GMCL1: variants seen among roughly 807,000 people sequenced by gnomAD.
The protein encoded by GMCL1 is germ cell-less 1, spermatogenesis associated, also known as germ cell-less protein-like 1.
In GMCL1, 54 loss-of-function variants were observed where a neutral mutation model predicts 75.5. The observed-to-expected ratio is 0.71, with a 90% CI of 0.57 to 0.90. GMCL1 has a LOEUF of 0.90. GMCL1 is among the 40% of genes least tolerant of loss of function. The pLI is 0.00. For synonymous variants in GMCL1, 210 were observed against 209.6 expected, an observed-to-expected ratio of 1.00 and a Z score of -0.02; for missense variants, 537 against 622.7, an observed-to-expected ratio of 0.86 and a Z score of 1.47.
At position 69,830,008 on chromosome 2, in the gene GMCL1, C is replaced by T; in HGVS notation, c.116C>T (p.Ala39Val). ...ARRPDTGDDA[A>V]GHGFCYCAGS... ...AGGCCGGACACTGGAGACGATGCGG[C>T]GGGCCACGGATTCTGTTACTGTGCG... The change falls in exon 1 of 14, where the codon GCG (alanine) becomes GTG (valine). Residue 39 changes from alanine (A) to valine (V), a missense_variant. This residue lies in a region of GMCL1 where 144 missense variants were observed against 127.2 expected (regional missense o/e 1.13). Transcript: ENST00000282570. 1.3e-6 allele frequency: 2 copies of T among 1,566,250 alleles called. No individual in the cohort carries two copies. Among genetic ancestry groups the T allele is most frequent in the Non-Finnish European group, 1.7e-6 (2 of 1,155,530 alleles).
At position 69,829,968 on chromosome 2, in the gene GMCL1, G is replaced by C; in HGVS notation, c.76G>C (p.Gly26Arg). The C allele has an allele frequency of 6.3e-7, 1 of 1,587,748 alleles. No homozygotes were observed. Among genetic ancestry groups the C allele is most frequent in the Non-Finnish European group, 8.6e-7 (1 of 1,166,814 alleles). The change falls in exon 1 of 14, where the codon GGG (glycine) becomes CGG (arginine). Residue 26 changes from glycine (G) to arginine (R), a missense_variant. Transcript: ENST00000282570. ...LAQQAQGARA[G>R]GSARRPDTGD... ...CCAGCAGGCGCAGGGTGCCAGGGCG[G>C]GGGGCTCGGCCCGGAGGCCGGACAC...
At chr2:69,847,502 T>A in intron 6 of GMCL1, 41 bp from the exon 7 acceptor site, 1 of 1,185,136 alleles carries the variant, frequency 8.4e-7, no homozygotes, top group Non-Finnish European at 1.3e-6. Context: ...CTTTAGCCTG[T>A]GCCTAAAGAT....
chr2:69,863,172 T>C (rs1441920946), intron 10 of GMCL1, among the ~76,000 whole-genome samples: 2 of 152,210 alleles, frequency 1.3e-5, no homozygotes, highest in Admixed American at 6.5e-5. Context: ...AAAACCCACA[T>C]ATACGAAAAG....
chr2:69,869,727 G>C lies in GMCL1; in HGVS notation c.1227G>C (p.Trp409Cys). The C allele has an allele frequency of 6.2e-7, 1 of 1,613,586 alleles. No homozygotes were observed. Among genetic ancestry groups the C allele is most frequent in the Non-Finnish European group, 8.5e-7 (1 of 1,179,808 alleles). Residue 409 changes from tryptophan (W) to cysteine (C), a missense_variant, in exon 12 of 14, where the codon TGG becomes TGC. Physicochemically the swap from Trp to Cys is radical, Grantham distance 215 (BLOSUM62 -2). Coordinates refer to ENST00000282570, the MANE Select transcript of GMCL1 (RefSeq NM_178439.5). ...RKLAKDGEYCWRWTGFNFGFD... is the reference protein window; with the variant it reads ...RKLAKDGEYCCRWTGFNFGFD... Reference sequence around the variant, plus strand: ...TCTCTTGTATTTTTTAGTACTGCTGGCGTTGGACAGGTTTTAACTTCGGCT... The same window carrying C: ...TCTCTTGTATTTTTTAGTACTGCTGCCGTTGGACAGGTTTTAACTTCGGCT...
At chr2:69,868,381 A>G (rs541159118) in intron 11 of GMCL1, among the ~76,000 whole-genome samples, 1 of 152,242 alleles carries the variant, frequency 6.6e-6, no homozygotes, top group East Asian at 1.9e-4. Flanking sequence ...CTGAATTGCA[A>G]TTCAGGGTGT....
At position 69,869,884 on chromosome 2, in the gene GMCL1, C is replaced by T. The variant is rs767972797; in HGVS notation, c.1364+20C>T. 5 of 1,606,532 alleles carry T rather than the reference C, an allele frequency of 3.1e-6. No homozygotes were observed. The highest frequency in any genetic ancestry group is 4.3e-6 in the Non-Finnish European group (5 of 1,175,502). On this transcript the variant is annotated intron_variant, in intron 12 of 13. Coordinates refer to ENST00000282570, the MANE Select transcript of GMCL1 (RefSeq NM_178439.5). ...ATTTAGGTAGGATGAGATTTCCCCACCCCACTCCTCCTCACTCCAGAGAAA... is the reference window on the plus strand; with the variant it reads ...ATTTAGGTAGGATGAGATTTCCCCATCCCACTCCTCCTCACTCCAGAGAAA...
At chr2:69,839,675 G>A in intron 3 of GMCL1, 122 bp downstream of exon 3, 1 of 578,544 alleles carries the variant, frequency 1.7e-6, no homozygotes, top group Non-Finnish European at 3.1e-6. Context: ...TCACCTCAAG[G>A]TGATAATTTG....
intron 8 of GMCL1, among the ~76,000 whole-genome samples, chr2:69,854,039 G>A (rs1336795420): frequency 2.6e-5 from 4 of 152,026 alleles, no homozygotes; most frequent in South Asian, 4.1e-4. Context: ...TCCTGACCTC[G>A]TGATCCACCC....
At chr2:69,854,794 G>A (rs1465163114) in intron 8 of GMCL1, 29 bp from the exon 9 acceptor site, 2 of 1,586,778 alleles carry the variant, frequency 1.3e-6, no homozygotes, top group East Asian at 2.3e-5. Context: ...TGAAAAGAAT[G>A]GCTGTTTAAC....
intron 6 of GMCL1, among the ~76,000 whole-genome samples, chr2:69,846,872 G>A (rs1675163285): frequency 6.6e-6 from 1 of 151,688 alleles, no homozygotes; most frequent in African/African-American, 2.4e-5. Flanking sequence ...CTGTTGCCCA[G>A]GCTGGAGTGC....
At chr2:69,847,650 T>C (rs1174254794) in intron 7 of GMCL1, 23 bp downstream of exon 7, 2 of 1,428,902 alleles carry the variant, frequency 1.4e-6, no homozygotes, top group Admixed American at 3.4e-5. Flanking sequence ...TATGATGTCA[T>C]ATTATACAAG....
chr2:69,865,565 C>A lies in GMCL1; in HGVS notation c.1218+590C>A, dbSNP rs184221555. ...AGGGAGGCTGAGGCACGAGAATCAC[C>A]TGAACTCGGGAGGCAGAGGTTGCAG... On this transcript the variant is annotated intron_variant, in intron 11 of 13. Transcript: ENST00000282570. Among the ~76,000 whole-genome samples the A allele has an allele frequency of 7.2e-5, 11 of 151,958 alleles. No individual in the cohort carries two copies. The East Asian group carries it at 1.6e-3, about 21-fold the overall frequency.
chr2:69,867,856 T>G (rs1315642773), intron 11 of GMCL1, among the ~76,000 whole-genome samples: 2 of 152,176 alleles, frequency 1.3e-5, no homozygotes, highest in South Asian at 4.1e-4. Context: ...ATCCTCCCAT[T>G]AGCTGAGGTA....
At chr2:69,831,328 C>T (rs72895232) in intron 1 of GMCL1, among the ~76,000 whole-genome samples, 2 of 150,384 alleles carry the variant, frequency 1.3e-5, no homozygotes, top group Non-Finnish European at 2.9e-5. Flanking sequence ...TTTATAAAAC[C>T]TTTTGTACCT....
Position 69,845,397 on chromosome 2 carries a change from G to A in GMCL1, c.758+1201G>A, listed in dbSNP as rs532760297. Among the ~76,000 whole-genome samples, 5 of 152,294 alleles carry A rather than the reference G, an allele frequency of 3.3e-5. No homozygotes were observed. In the South Asian group the frequency reaches 1.0e-3, roughly 32 times the overall value. ...AAAAACCTACAAGAAATATGGCGGT[G>A]ACAATGAGGACTGCCCACCCTGCCC... is the stretch of plus-strand genomic sequence containing the variant. On this transcript the variant is annotated intron_variant, in intron 6 of 13. Transcript: ENST00000282570.
At chr2:69,862,759 C>T (rs528279870) in intron 10 of GMCL1, among the ~76,000 whole-genome samples, 1 of 120,126 alleles carries the variant, frequency 8.3e-6, no homozygotes, top group East Asian at 2.3e-4. Flanking sequence ...AACTCCATCC[C>T]AAAAAAAAAA....
Position 69,849,744 on chromosome 2 carries a change from T to A in GMCL1, c.934+2T>A, listed in dbSNP as rs1573353731. ...TCTGGTTTTCTAAACAGAGGAAAGG[T>A]AGGCCTGAAGTTTTTGAGAACTTGT... On this transcript the variant is annotated splice_donor_variant, in intron 8 of 13. Transcript: ENST00000282570. LOFTEE classifies it high-confidence loss of function. 6.4e-7 allele frequency: 1 copy of A among 1,564,052 alleles called. No individual in the cohort carries two copies. The highest frequency in any genetic ancestry group is 8.6e-7 in the Non-Finnish European group (1 of 1,157,016).
In GMCL1 at chr2:69,869,788, A is replaced by T. The variant is rs1180837340; in HGVS notation, c.1288A>T (p.Ile430Phe). 3.2e-5 allele frequency: 52 copies of T among 1,613,902 alleles called. No individual in the cohort carries two copies. Among genetic ancestry groups the T allele is most frequent in the Non-Finnish European group, 4.3e-5 (51 of 1,179,990 alleles). ...LLVTYTNRYI[I>F]FKRNTLNQPC... ...TGTAACTTACACCAATCGATACATC[A>T]TTTTCAAACGCAATACACTGAATCA... The change falls in exon 12 of 14, where the codon ATT (isoleucine) becomes TTT (phenylalanine). Residue 430 changes from isoleucine to phenylalanine, a missense_variant. Around this residue, in one of 3 missense-constraint regions of GMCL1, gnomAD observed 345 missense variants for 410.5 expected, o/e 0.84. Coordinates refer to ENST00000282570, the MANE Select transcript of GMCL1 (RefSeq NM_178439.5).
chr2:69,841,068 T>G (rs1302842978), intron 4 of GMCL1, 29 bp downstream of exon 4: 2 of 1,494,102 alleles, frequency 1.3e-6, no homozygotes, highest in Non-Finnish European at 9.3e-7. Flanking sequence ...CGAAGAAAGG[T>G]TCAGAATAAT....
Sources: gnomAD v4.1 joint callset for allele counts (sites outside exome capture counted in the v4.1 genomes callset) on GRCh38, gnomAD v4.1.1 for gene constraint, gnomAD v4.1.1 regional missense constraint, MANE v1.5 for transcripts, NCBI Gene and HGNC (gene_info 2026-07-23, HGNC 2026-07-21) for gene names.